Variants in RAB11FIP3 observed in about 807,000 individuals in gnomAD.
The protein encoded by RAB11FIP3 is rab11 family-interacting protein 3.
Under a neutral mutation model 77.8 loss-of-function variants are expected in RAB11FIP3, and 17 were observed. The observed-to-expected ratio is 0.22, with a 90% CI of 0.15 to 0.33. The LOEUF is 0.33. RAB11FIP3 is among the 10% of genes least tolerant of loss of function. The probability of loss-of-function intolerance (pLI) is 1.00; values close to 1 mark genes in which losing one functional copy is unlikely to be tolerated. For synonymous variants in RAB11FIP3, 437 were observed against 448.2 expected, an observed-to-expected ratio of 0.98 and a Z score of 0.31; for missense variants, 1,005 against 1,011.2, an observed-to-expected ratio of 0.99 and a Z score of 0.08.
At chr16:473,933 G>C (rs2055854487) in intron 3 of RAB11FIP3, among the ~76,000 whole-genome samples, 1 of 152,102 alleles carries the variant, frequency 6.6e-6, no homozygotes, top group Non-Finnish European at 1.5e-5. Context: ...CACGGAGCTA[G>C]AACCATCTGG....
At chr16:478,983 GA>G (rs1471989854) in intron 3 of RAB11FIP3, among the ~76,000 whole-genome samples, 2 of 151,026 alleles carry the variant, frequency 1.3e-5, no homozygotes, top group African/African-American at 4.9e-5. Context: ...AGAACAATTA[GA>G]AAAAGAAAAA....
chr16:508,248 C>A (rs187744563), intron 8 of RAB11FIP3, among the ~76,000 whole-genome samples: 4 of 152,194 alleles, frequency 2.6e-5, no homozygotes, highest in South Asian at 4.1e-4. Flanking sequence ...GACTGAGGAA[C>A]CTCTGGTGCC....
rs367576904 is a variant in RAB11FIP3 at position 503,858 on chromosome 16, C to T, written c.1395+761C>T. ...TTGCACGACTGCACTCCAGCCTGGG[C>T]GACAGAGGGAGACTCCGTCTCACCT... On this transcript the variant is annotated intron_variant, in intron 7 of 13. Coordinates refer to ENST00000262305, the MANE Select transcript of RAB11FIP3 (RefSeq NM_014700.4). Among the ~76,000 whole-genome samples the T allele has an allele frequency of 6.6e-5, 10 of 151,778 alleles. No homozygotes were observed. In the East Asian group the frequency reaches 1.6e-3, roughly 24 times the overall value.
intron 1 of RAB11FIP3, among the ~76,000 whole-genome samples, chr16:433,068 C>G (rs1192367771): frequency 1.1e-5 from 1 of 93,034 alleles, no homozygotes; most frequent in Non-Finnish European, 2.0e-5. Context: ...TAGTCTCTGT[C>G]TCTTGCCCAG....
At chr16:485,142 C>T (rs972289873) in intron 4 of RAB11FIP3, among the ~76,000 whole-genome samples, 1 of 152,052 alleles carries the variant, frequency 6.6e-6, no homozygotes, top group Non-Finnish European at 1.5e-5. Context: ...ACGCAGCCCC[C>T]GTGGCAACTG....
intron 1 of RAB11FIP3, among the ~76,000 whole-genome samples, chr16:435,269 G>A (rs1326450735): frequency 6.6e-6 from 1 of 152,064 alleles, no homozygotes; most frequent in African/African-American, 2.4e-5. Flanking sequence ...TACAGGAAGA[G>A]TTTAGTTCTG....
At chr16:482,010 G>A (rs111696489) in intron 3 of RAB11FIP3, among the ~76,000 whole-genome samples, 20 of 33,602 alleles carry the variant, frequency 6.0e-4, no homozygotes, top group South Asian at 1.8e-3. Context: ...GCTGGGACCT[G>A]CAGGCAGGTG....
chr16:481,520 A>C (rs1370420196), intron 3 of RAB11FIP3, among the ~76,000 whole-genome samples: 2 of 151,744 alleles, frequency 1.3e-5, no homozygotes, highest in Non-Finnish European at 2.9e-5. Context: ...TCAAAAAAAA[A>C]CCCCCAAAAA....
chr16:466,689 G>A (rs1299352539), intron 2 of RAB11FIP3, among the ~76,000 whole-genome samples: 1 of 152,226 alleles, frequency 6.6e-6, no homozygotes, highest in African/African-American at 2.4e-5. Context: ...CCCATCTCCA[G>A]ATGTTTCTTA....
At chr16:468,136 GCC>G (rs2055743354) in intron 2 of RAB11FIP3, among the ~76,000 whole-genome samples, 2 of 68,414 alleles carry the variant, frequency 2.9e-5, no homozygotes, top group Non-Finnish European at 6.0e-5. Context: ...AGGTGCAGGG[GCC>G]TCAGGGAGGA....
At chr16:475,353 T>A (rs2055883364) in intron 3 of RAB11FIP3, among the ~76,000 whole-genome samples, 1 of 152,228 alleles carries the variant, frequency 6.6e-6, no homozygotes, top group Admixed American at 6.5e-5. Context: ...TGGTAATTTG[T>A]AAAAATGTTA....
At position 471,101 on chromosome 16, in the gene RAB11FIP3, C is replaced by G. The variant is rs1332228797; in HGVS notation, c.809-194C>G. Among the ~76,000 whole-genome samples the G allele has an allele frequency of 6.6e-6, 1 of 152,016 alleles. No individual in the cohort carries two copies. Among genetic ancestry groups the G allele is most frequent in the East Asian group, 1.9e-4 (1 of 5,182 alleles). On this transcript the variant is annotated intron_variant, in intron 2 of 13. Coordinates refer to ENST00000262305, the MANE Select transcript of RAB11FIP3 (RefSeq NM_014700.4). The surrounding 1 kb of genome is among the most constrained non-coding windows in gnomAD (Gnocchi z 4.4). ...TTCCTGTGGGCAACGCATCTCTGAC[C>G]CGTTGGCAAGGCTGTTTTCTCTCCC...
intron 5 of RAB11FIP3, among the ~76,000 whole-genome samples, chr16:495,541 G>A (rs900821800): frequency 2.6e-5 from 4 of 152,218 alleles, no homozygotes; most frequent in Non-Finnish European, 5.9e-5. Flanking sequence ...AGGTGTCGGA[G>A]GGCCCTGCAG....
At chr16:476,152 CCTCAGGCTTA>C (rs1378935443) in intron 3 of RAB11FIP3, among the ~76,000 whole-genome samples, 1 of 152,216 alleles carries the variant, frequency 6.6e-6, no homozygotes, top group Non-Finnish European at 1.5e-5. Context: ...TGCGTCTGGC[CCTCAGGCTTA>C]CTTTAGAAAT....
At chr16:504,027 CCCCCTCACTACCTCCTGTA>C in intron 7 of RAB11FIP3, among the ~76,000 whole-genome samples, 1 of 74,876 alleles carries the variant, frequency 1.3e-5, no homozygotes, top group Non-Finnish European at 2.7e-5. Context: ...ACCTCCTGTA[CCCCCTCACTACCTCCTGTA>C]CCCCCTCACC....
At chr16:447,820 T>G (rs774078658) in intron 1 of RAB11FIP3, among the ~76,000 whole-genome samples, 1 of 152,214 alleles carries the variant, frequency 6.6e-6, no homozygotes, top group Non-Finnish European at 1.5e-5. Flanking sequence ...CTCAGACTGT[T>G]GTCTGGTTAA....
chr16:428,703 TGTG>T (rs2141834970), intron 1 of RAB11FIP3, among the ~76,000 whole-genome samples: 1 of 152,246 alleles, frequency 6.6e-6, no homozygotes, highest in South Asian at 2.1e-4. Flanking sequence ...TCTTCTTAGA[TGTG>T]GTGGCTCACA....
chr16:456,811 C>T (rs1453920901), intron 1 of RAB11FIP3, among the ~76,000 whole-genome samples: 3 of 152,164 alleles, frequency 2.0e-5, no homozygotes, highest in East Asian at 1.9e-4. Context: ...ACAAAACGAG[C>T]ACTTGTTGGG....
chr16:464,160 C>T (rs2055664124), intron 2 of RAB11FIP3, among the ~76,000 whole-genome samples: 1 of 152,058 alleles, frequency 6.6e-6, no homozygotes, highest in Non-Finnish European at 1.5e-5. Context: ...TGGGTGGCCA[C>T]AGACCCTCAG....
Sources: allele counts gnomAD v4.1 joint callset (sites outside exome capture counted in the v4.1 genomes callset), GRCh38; gene constraint gnomAD v4.1.1; non-coding constraint Gnocchi (gnomAD v3.1); transcripts MANE v1.5; gene names NCBI Gene and HGNC (gene_info 2026-07-23, HGNC 2026-07-21).